The following DNAH12 variants were observed in gnomAD, a reference collection of about 807,000 sequenced individuals.
DNAH12 encodes axonemal beta dynein heavy chain 12.
In DNAH12, 285 loss-of-function variants were observed where a neutral mutation model predicts 371.5. That is an observed-to-expected ratio of 0.77 (90% confidence interval 0.70 to 0.85). The LOEUF (loss-of-function observed/expected upper bound fraction) is 0.85. DNAH12 is among the 40% of genes least tolerant of loss of function. The pLI is 0.00. For missense variants in DNAH12, 3,611 were observed against 3,689.4 expected, an observed-to-expected ratio of 0.98 and a Z score of 0.55; for synonymous variants, 1,200 against 1,213.0, an observed-to-expected ratio of 0.99 and a Z score of 0.22.
At chr3:57,552,055 T>C in the DNAH12 span, among the ~76,000 whole-genome samples, 381 of 151,572 alleles carry the variant, frequency 2.5e-3, 5 homozygotes, top group African/African-American at 8.7e-3. Context: ...CCATCCTGGC[T>C]AACACGGTGA....
At chr3:57,302,067 T>A (rs955230745) in intron 69 of DNAH12, 128 bp from the exon 70 acceptor site, 7 of 894,956 alleles carry the variant, frequency 7.8e-6, no homozygotes, top group Admixed American at 2.5e-5. Context: ...TCACCTCCCA[T>A]GTGGTGGTAC....
At chr3:57,478,294 C>T (rs1042587184) in intron 13 of DNAH12, among the ~76,000 whole-genome samples, 4 of 151,950 alleles carry the variant, frequency 2.6e-5, no homozygotes, top group African/African-American at 7.3e-5. Context: ...CCTCAGTAGC[C>T]GATTCGATCA....
chr3:57,380,603 T>G (rs2063368849), intron 50 of DNAH12, among the ~76,000 whole-genome samples: 2 of 152,180 alleles, frequency 1.3e-5, no homozygotes, highest in African/African-American at 4.8e-5. Flanking sequence ...TAGCTGAGAC[T>G]ACAGGCTTCT....
chr3:57,424,549 G>C (rs537311994), intron 35 of DNAH12, among the ~76,000 whole-genome samples: 2 of 151,742 alleles, frequency 1.3e-5, no homozygotes, highest in African/African-American at 4.8e-5. Context: ...AGGCCGATGC[G>C]GGTGGATCAC....
In DNAH12 at chr3:57,295,589, T is replaced by C. The variant is rs1205483291; in HGVS notation, c.11628A>G (p.Gly3876=). The C allele has an allele frequency of 6.5e-7, 1 of 1,541,636 alleles. No homozygotes were observed. Among genetic ancestry groups the C allele is most frequent in the African/African-American group, 1.4e-5 (1 of 72,690 alleles). ...LDGARWDRES[G]LLAEQYPKLL... ...GTTTGGGATATTGTTCAGCAAGCAA[T>C]CCACTGTAACGAGAAATTGACAGAA... Residue 3876 remains glycine (G), a synonymous_variant, in exon 73 of 74, where the codon GGA becomes GGG. Transcript: ENST00000495027.
chr3:57,313,508 G>A (rs1362841974), intron 66 of DNAH12, among the ~76,000 whole-genome samples: 1 of 152,096 alleles, frequency 6.6e-6, no homozygotes, highest in East Asian at 1.9e-4. Flanking sequence ...CAAAAAGTTA[G>A]CCAAGCACAG....
In DNAH12 at chr3:57,510,389, A is replaced by G. The variant is rs927699992; in HGVS notation, c.469+401T>C. Among the ~76,000 whole-genome samples the G allele has an allele frequency of 2.2e-4, 33 of 152,194 alleles. 1 individual carries two copies. The highest frequency in any genetic ancestry group is 4.4e-5 in the Non-Finnish European group (3 of 68,044). On this transcript the variant is annotated intron_variant, in intron 5 of 73. Transcript: ENST00000495027. The stretch of plus-strand genomic sequence containing the variant: ...GCTGAGTGGCTCAGCGTGTAATCCC[A>G]GCACTTTGGGAGGCTGAGGTGGGTG...
At chr3:57,433,174 C>A (rs1222408684) in intron 32 of DNAH12, among the ~76,000 whole-genome samples, 193 bp downstream of exon 32, 100 of 142,390 alleles carry the variant, frequency 7.0e-4, no homozygotes, top group South Asian at 8.8e-4. Flanking sequence ...TTTCATTCTA[C>A]AAAAAAAAAA....
intron 62 of DNAH12, among the ~76,000 whole-genome samples, chr3:57,327,639 A>C (rs1411341959): frequency 6.6e-6 from 1 of 151,888 alleles, no homozygotes; most frequent in African/African-American, 2.4e-5. Flanking sequence ...CTAACATCAC[A>C]ATTAAAAGAA....
chr3:57,334,398 C>T (rs555344337), intron 62 of DNAH12, 67 bp downstream of exon 62: 899 of 1,439,158 alleles, frequency 6.2e-4, no homozygotes, highest in Non-Finnish European at 7.7e-4. Context: ...ATAACAAGAA[C>T]TTTAAGCCTA....
intron 34 of DNAH12, 23 bp from the exon 35 acceptor site, chr3:57,425,164 C>T: frequency 1.5e-6 from 1 of 680,528 alleles, no homozygotes; most frequent in Non-Finnish European, 2.6e-6. Flanking sequence ...AATAAGATAA[C>T]TTTCTTAATT....
At chr3:57,374,177 T>C (rs1314730708) in intron 55 of DNAH12, among the ~76,000 whole-genome samples, 1 of 152,200 alleles carries the variant, frequency 6.6e-6, no homozygotes, top group Non-Finnish European at 1.5e-5. Context: ...CTATCACTTA[T>C]TCACTAAGTT....
intron 22 of DNAH12, among the ~76,000 whole-genome samples, chr3:57,457,227 T>A (rs1398078260): frequency 6.6e-6 from 1 of 152,214 alleles, no homozygotes; most frequent in Non-Finnish European, 1.5e-5. Flanking sequence ...GCATTTAAAA[T>A]AAAATGCAAA....
chr3:57,406,985 A>AC (rs573043032), intron 40 of DNAH12, among the ~76,000 whole-genome samples: 127 of 151,924 alleles, frequency 8.4e-4, no homozygotes, highest in African/African-American at 3.0e-3. Flanking sequence ...TGCAACCTCC[A>AC]CCTCCTGGAT....
chr3:57,433,852 T>C, intron 30 of DNAH12, 24 bp from the exon 31 acceptor site: 2 of 1,498,738 alleles, frequency 1.3e-6, no homozygotes, highest in South Asian at 1.4e-5. Flanking sequence ...GAAATAATTA[T>C]ACAATAAGAG....
At chr3:57,441,224 A>G (rs1390971220) in intron 29 of DNAH12, among the ~76,000 whole-genome samples, 1 of 152,184 alleles carries the variant, frequency 6.6e-6, no homozygotes, top group Non-Finnish European at 1.5e-5. Context: ...AAAAAGAACC[A>G]ATTGGACACA....
intron 28 of DNAH12, 65 bp downstream of exon 28, chr3:57,445,109 T>C (rs979294970): frequency 1.4e-5 from 20 of 1,454,592 alleles, no homozygotes; most frequent in Non-Finnish European, 1.7e-5. Context: ...TAGTTCCTGA[T>C]TAACCTCACT....
intron 25 of DNAH12, among the ~76,000 whole-genome samples, chr3:57,450,781 G>A (rs937638144): frequency 4.6e-5 from 7 of 152,254 alleles, no homozygotes; most frequent in African/African-American, 1.7e-4. Flanking sequence ...TAAAGGGTTT[G>A]GTGAAATCTT....
intron 11 of DNAH12, among the ~76,000 whole-genome samples, chr3:57,499,648 A>AAAAAAAAAAAAATATATG (rs71088082): frequency 2.3e-4 from 5 of 21,298 alleles, no homozygotes; most frequent in Non-Finnish European, 4.7e-4. Flanking sequence ...AAAAAAAAAA[A>AAAAAAAAAAAAATATATG]TATATATATA....
Sources: gnomAD v4.1 joint callset for allele counts (sites outside exome capture counted in the v4.1 genomes callset) on GRCh38, gnomAD v4.1.1 for gene constraint, MANE v1.5 for transcripts, NCBI Gene and HGNC (gene_info 2026-07-23, HGNC 2026-07-21) for gene names.